The following HECW1 variants were observed in gnomAD, a reference collection of about 807,000 sequenced individuals.
HECW1 encodes the protein E3 ubiquitin-protein ligase HECW1.
HECW1 carries 61 observed loss-of-function variants against 182.3 expected under a neutral mutation model. The ratio of observed to expected loss-of-function variants is 0.33; its 90% CI spans 0.27 to 0.41. HECW1 has a LOEUF of 0.41. HECW1 is among the 10% of genes least tolerant of loss of function. HECW1 has a pLI of 1.00. For synonymous variants in HECW1, 859 were observed against 832.6 expected (o/e 1.03, Z -0.55); for missense variants, 1,739 against 2,108.9 (o/e 0.82, Z 3.44).
chr7:43,149,091 T>A (rs367763989), intron 2 of HECW1, among the ~76,000 whole-genome samples: 1 of 152,182 alleles, frequency 6.6e-6, no homozygotes, highest in East Asian at 1.9e-4. Flanking sequence ...AATGCTAAAA[T>A]TAGAAGCTAA....
rs550921490 is a variant in HECW1 at position 43,407,512 on chromosome 7, C to T, written c.632-50C>T. 6.1e-5 allele frequency: 86 copies of T among 1,399,176 alleles called. No individual in the cohort carries two copies. In the East Asian group the frequency reaches 1.1e-3, roughly 18 times the overall value. 86.7% of individuals were successfully genotyped at this position (1,399,176 alleles called of 1,614,324 possible). ...AAAGGTGTGGTTACCAAATGCCAGT[C>T]GTTAACCTCCCTAAAACATATTTAA... On this transcript the variant is annotated intron_variant, in intron 7 of 29. Coordinates refer to ENST00000395891, the MANE Select transcript of HECW1 (RefSeq NM_015052.5).
chr7:43,385,346 C>T lies in HECW1; in HGVS notation c.556-11468C>T, dbSNP rs149424703. On this transcript the variant is annotated intron_variant, in intron 6 of 29. Coordinates refer to ENST00000395891, the MANE Select transcript of HECW1 (RefSeq NM_015052.5). The stretch of plus-strand genomic sequence containing the variant: ...ACAGACAGGGTTTGTGTCAGTGTCA[C>T]TCAGACACTGTTGCAGCTGCCTCCA... Among the ~76,000 whole-genome samples, 132 of 143,852 alleles carry T rather than the reference C, an allele frequency of 9.2e-4. 4 individuals carry two copies. In the East Asian group the frequency reaches 0.019, roughly 21 times the overall value. 94.4% of individuals were successfully genotyped at this position (143,852 alleles called of 152,430 possible).
chr7:43,517,095 C>T (rs1237011235), intron 24 of HECW1, among the ~76,000 whole-genome samples: 1 of 152,254 alleles, frequency 6.6e-6, no homozygotes, highest in African/African-American at 2.4e-5. Context: ...GAAACGACTA[C>T]GTTATGAGTC....
intron 2 of HECW1, among the ~76,000 whole-genome samples, chr7:43,209,673 G>A (rs962390891): frequency 4.6e-5 from 7 of 152,174 alleles, no homozygotes; most frequent in African/African-American, 1.4e-4. Context: ...GTACAGATGC[G>A]AAGCCTGGAG....
intron 24 of HECW1, chr7:43,522,210 T>C (rs1056574260): frequency 2.0e-5 from 3 of 152,230 alleles, no homozygotes; most frequent in African/African-American, 7.2e-5. Flanking sequence ...ACTCACATAT[T>C]AGACTTCTCT....
Position 43,444,657 on chromosome 7 carries a change from C to A in HECW1, c.1485C>A (p.Ser495Arg). 1 of 1,606,304 alleles carries A rather than the reference C, an allele frequency of 6.2e-7. No homozygotes were observed. The highest frequency in any genetic ancestry group is 1.3e-5 in the African/African-American group (1 of 74,884). Reference protein sequence around the residue: ...EPLEEEATTQSRAGREEEEKE... With the variant: ...EPLEEEATTQRRAGREEEEKE... ...TGGAGGAGGAAGCAACGACCCAGAGCCGGGCTGGAAGGGAAGAAGAGGAGA... is the reference window on the plus strand; with the variant it reads ...TGGAGGAGGAAGCAACGACCCAGAGACGGGCTGGAAGGGAAGAAGAGGAGA... Residue 495 changes from serine to arginine, a missense_variant, in exon 11 of 30, where the codon AGC becomes AGA. Ser to Arg is a moderately radical substitution (Grantham distance 110). Coordinates refer to ENST00000395891, the MANE Select transcript of HECW1 (RefSeq NM_015052.5). The surrounding 1 kb of genome is among the most constrained non-coding windows in gnomAD (Gnocchi z 4.3).
chr7:43,451,935 T>G (rs2077249738), intron 12 of HECW1, among the ~76,000 whole-genome samples: 1 of 152,214 alleles, frequency 6.6e-6, no homozygotes, highest in South Asian at 2.1e-4. Flanking sequence ...GAGAAGTGCT[T>G]ATTTCTTAGT....
rs373606405 is a variant in HECW1, at chr7:43,480,244, CT to C, written c.3234+503del. 9.7e-4 allele frequency among the ~76,000 whole-genome samples: 147 copies of C among 152,326 alleles called. 1 individual carries two copies. Among genetic ancestry groups the C allele is most frequent in the African/African-American group, 2.9e-3 (119 of 41,560 alleles). On this transcript the variant is annotated intron_variant, in intron 17 of 29. Transcript: ENST00000395891. ...CTCTATTCGCGCTCTACAATGTGCT[CT>C]TTCCTTGGCAGCACTTTGTGGCTAC...
chr7:43,169,965 C>T (rs1471596722), intron 2 of HECW1, among the ~76,000 whole-genome samples: 1 of 152,190 alleles, frequency 6.6e-6, no homozygotes, highest in South Asian at 2.1e-4. Context: ...ATTACTTTGT[C>T]TGCCAACATC....
Position 43,444,709 on chromosome 7 carries a change from T to C in HECW1, c.1537T>C (p.Ser513Pro). 6.2e-7 allele frequency: 1 copy of C among 1,610,390 alleles called. No homozygotes were observed. The highest frequency in any genetic ancestry group is 8.5e-7 in the Non-Finnish European group (1 of 1,178,216). Residue 513 changes from serine (S) to proline (P), a missense_variant, in exon 11 of 30, where the codon TCT becomes CCT. By Grantham distance (74) the Ser-to-Pro change is moderately conservative. This residue lies in a region of HECW1 where 971 missense variants were observed against 1,029.1 expected (regional missense o/e 0.94). Transcript: ENST00000395891. The surrounding 1 kb of genome is among the most constrained non-coding windows in gnomAD (Gnocchi z 4.3). ...EKEQEEEGDV[S>P]TLEQGEGRLQ... is the part of the protein sequence containing the mutation. Reference sequence around the variant, plus strand: ...GGAGCAGGAGGAGGAGGGAGATGTGTCTACCCTGGAGCAGGGAGAGGGCAG... The same window carrying C: ...GGAGCAGGAGGAGGAGGGAGATGTGCCTACCCTGGAGCAGGGAGAGGGCAG...
chr7:43,500,122 A>G (rs2079284681), intron 19 of HECW1, among the ~76,000 whole-genome samples: 1 of 146,108 alleles, frequency 6.8e-6, no homozygotes, highest in African/African-American at 2.5e-5. Flanking sequence ...TTTTTTTGAG[A>G]TGAAGTCTTC....
intron 2 of HECW1, among the ~76,000 whole-genome samples, chr7:43,189,057 T>C (rs1379032797): frequency 6.6e-6 from 1 of 152,204 alleles, no homozygotes; most frequent in Non-Finnish European, 1.5e-5. Context: ...GCTTCCTTTC[T>C]CACGGTTGAG....
At chr7:43,366,990 TAAAGAA>T (rs1328958651) in intron 6 of HECW1, among the ~76,000 whole-genome samples, 2 of 152,184 alleles carry the variant, frequency 1.3e-5, no homozygotes, top group African/African-American at 4.8e-5. Context: ...TTATGTTATG[TAAAGAA>T]CTGTCTCTGC....
At chr7:43,239,050 C>T (rs573768748) in intron 2 of HECW1, 1 of 152,062 alleles carries the variant, frequency 6.6e-6, no homozygotes, top group Non-Finnish European at 1.5e-5. Flanking sequence ...TCAGTCAGAC[C>T]CCAACTCATG....
chr7:43,488,503 A>AAAG (rs1563046957), intron 17 of HECW1, among the ~76,000 whole-genome samples: 16 of 150,258 alleles, frequency 1.1e-4, no homozygotes, highest in Non-Finnish European at 1.5e-4. Flanking sequence ...AGAAAGAAAG[A>AAAG]AAAGAAAAGA....
rs182012238 is a variant in HECW1 at position 43,273,560 on chromosome 7, A to G, written c.27+29628A>G. On this transcript the variant is annotated intron_variant, in intron 3 of 29. Transcript: ENST00000395891. ...TTAAGATATATTTCCTCTTTTACCC[A>G]TACCTCAATCCCTGATAGATTTGAG... Among the ~76,000 whole-genome samples the G allele has an allele frequency of 7.2e-5, 11 of 152,340 alleles. 1 individual carries two copies. The South Asian group carries it at 2.1e-3, about 29-fold the overall frequency.
At chr7:43,197,898 C>T (rs1020274654) in intron 2 of HECW1, among the ~76,000 whole-genome samples, 81 of 152,074 alleles carry the variant, frequency 5.3e-4, no homozygotes, top group African/African-American at 1.9e-3. Context: ...TCACAGGCCC[C>T]TGGAGCTGGC....
chr7:43,226,185 C>T (rs1484711517), intron 2 of HECW1, among the ~76,000 whole-genome samples: 2 of 152,136 alleles, frequency 1.3e-5, no homozygotes, highest in Non-Finnish European at 2.9e-5. Context: ...TAATATCATG[C>T]TTTATATGAA....
intron 24 of HECW1, among the ~76,000 whole-genome samples, chr7:43,522,719 C>T (rs2152939951): frequency 6.6e-6 from 1 of 152,280 alleles, no homozygotes; most frequent in East Asian, 1.9e-4. Context: ...ACACCAAACC[C>T]CCTATTAGCT....
Sources: gnomAD v4.1 joint callset for allele counts (sites outside exome capture counted in the v4.1 genomes callset) on GRCh38, gnomAD v4.1.1 for gene constraint, gnomAD v4.1.1 regional missense constraint, Gnocchi (gnomAD v3.1) non-coding constraint, MANE v1.5 for transcripts, NCBI Gene and HGNC (gene_info 2026-07-23, HGNC 2026-07-21) for gene names.